SMYD2: variants seen among roughly 807,000 people sequenced by gnomAD.
SMYD2 encodes SET and MYND domain containing 2.
In SMYD2, 53 loss-of-function variants were observed where a neutral mutation model predicts 59.1. The ratio of observed to expected loss-of-function variants is 0.90; its 90% CI spans 0.72 to 1.13. SMYD2 has a LOEUF of 1.13. Among genes scored for constraint, SMYD2 ranks in the 50% most tolerant of loss-of-function variants. SMYD2 has a pLI of 0.00. For missense variants in SMYD2, 494 were observed against 544.7 expected (o/e 0.91, Z 0.93); for synonymous variants, 208 against 198.8 (o/e 1.05, Z -0.39).
intron 7 of SMYD2, among the ~76,000 whole-genome samples, chr1:214,328,209 C>T (rs2102477139): frequency 6.6e-6 from 1 of 152,266 alleles, no homozygotes; most frequent in South Asian, 2.1e-4. Context: ...GCAGCAGTAG[C>T]TAAAGAGCTG....
At chr1:214,323,737 G>A (rs4655334) in intron 5 of SMYD2, among the ~76,000 whole-genome samples, 55,184 of 151,834 alleles carry the variant, frequency 0.36, 10,773 homozygotes, top group Non-Finnish European at 0.44. Flanking sequence ...CAGCGGGCCC[G>A]TACAACGTTT....
At chr1:214,323,895 A>G (rs1657212820) in intron 5 of SMYD2, among the ~76,000 whole-genome samples, 1 of 152,076 alleles carries the variant, frequency 6.6e-6, no homozygotes, top group Non-Finnish European at 1.5e-5. Flanking sequence ...AGGGCTTCAT[A>G]TTTACCACCT....
At chr1:214,309,701 G>A (rs1168604920) in intron 2 of SMYD2, among the ~76,000 whole-genome samples, 1 of 152,150 alleles carries the variant, frequency 6.6e-6, no homozygotes, top group Non-Finnish European at 1.5e-5. Context: ...GTTCAATCCT[G>A]GTTCAGTTCA....
At position 214,332,018 on chromosome 1, in the gene SMYD2, C is replaced by T; in HGVS notation, c.938C>T (p.Ser313Phe). 1 of 1,612,110 alleles carries T rather than the reference C, an allele frequency of 6.2e-7. No homozygotes were observed. Among genetic ancestry groups the T allele is most frequent in the Non-Finnish European group, 8.5e-7 (1 of 1,179,564 alleles). ...EEFRRAKHYK[S>F]PSELLEICEL... ...GGCCCTTTCCTTGACTCCACAGCACCCCCTAGTGAGCTGCTGGAGATCTGC... is the reference window on the plus strand; with the variant it reads ...GGCCCTTTCCTTGACTCCACAGCACTCCCTAGTGAGCTGCTGGAGATCTGC... The change falls in exon 10 of 12, where the codon TCC (serine) becomes TTC (phenylalanine). Residue 313 changes from serine (S) to phenylalanine (F), a missense_variant and splice_region_variant. Coordinates refer to ENST00000366957, the MANE Select transcript of SMYD2 (RefSeq NM_020197.3).
intron 1 of SMYD2, among the ~76,000 whole-genome samples, chr1:214,303,825 C>A (rs1571924179): frequency 6.6e-6 from 1 of 152,352 alleles, no homozygotes; most frequent in Middle Eastern, 3.4e-3. Context: ...TGCTGGGCTG[C>A]AGAGGAGGGG....
intron 5 of SMYD2, among the ~76,000 whole-genome samples, chr1:214,319,443 C>T (rs35144729): frequency 0.11 from 16,019 of 152,164 alleles, 1,085 homozygotes; most frequent in Middle Eastern, 0.2. Context: ...CAGTCACTGC[C>T]GAGAGGAGCC....
At chr1:214,315,070 T>A (rs965096790) in intron 3 of SMYD2, among the ~76,000 whole-genome samples, 198 bp downstream of exon 3, 1 of 152,168 alleles carries the variant, frequency 6.6e-6, no homozygotes, top group African/African-American at 2.4e-5. Flanking sequence ...GCAATTAGGA[T>A]GTTGCTTACC....
At chr1:214,290,582 G>T (rs915202472) in intron 1 of SMYD2, among the ~76,000 whole-genome samples, 3 of 152,176 alleles carry the variant, frequency 2.0e-5, no homozygotes, top group Admixed American at 2.0e-4. Flanking sequence ...GATGCTCAGG[G>T]TGTGTTGGTG....
intron 1 of SMYD2, among the ~76,000 whole-genome samples, chr1:214,284,700 G>C (rs1330445226): frequency 1.3e-5 from 2 of 151,920 alleles, no homozygotes. Flanking sequence ...ATTTTTAGTA[G>C]AGACAGGGTT....
chr1:214,291,846 A>G (rs1656640814), intron 1 of SMYD2, among the ~76,000 whole-genome samples: 1 of 152,118 alleles, frequency 6.6e-6, no homozygotes, highest in Non-Finnish European at 1.5e-5. Context: ...CTCTGGGTAG[A>G]TATATTTTAG....
intron 1 of SMYD2, among the ~76,000 whole-genome samples, chr1:214,304,349 A>G (rs191439706): frequency 1.1e-3 from 173 of 152,230 alleles, no homozygotes; most frequent in Middle Eastern, 3.4e-3. Flanking sequence ...GCTTGAGCCC[A>G]GGAGTTGGGG....
At chr1:214,308,623 T>G (rs1265146187) in intron 2 of SMYD2, among the ~76,000 whole-genome samples, 2 of 152,212 alleles carry the variant, frequency 1.3e-5, no homozygotes, top group African/African-American at 2.4e-5. Context: ...GGCCTTCAGC[T>G]GCTAGTAATT....
intron 1 of SMYD2, among the ~76,000 whole-genome samples, chr1:214,286,007 G>A (rs1443514916): frequency 6.6e-6 from 1 of 152,206 alleles, no homozygotes; most frequent in Admixed American, 6.5e-5. Context: ...TGTTCACGTG[G>A]TCTGTCATTG....
rs942059417 is a variant in SMYD2, at chr1:214,305,321, C to T, written c.237+71C>T. On this transcript the variant is annotated intron_variant, in intron 2 of 11. Coordinates refer to ENST00000366957, the MANE Select transcript of SMYD2 (RefSeq NM_020197.3). ...TCCTCCTCTTCCTTGTCATGGCATTCCTCAGCGCCCTCCTGGAGCCAGAGC... is the reference window on the plus strand; with the variant it reads ...TCCTCCTCTTCCTTGTCATGGCATTTCTCAGCGCCCTCCTGGAGCCAGAGC... The T allele has an allele frequency of 1.6e-5, 22 of 1,373,390 alleles. No homozygotes were observed. The African/African-American group carries it at 2.9e-4, about 18-fold the overall frequency. The allele number at this position is 1,373,390 out of a possible 1,614,324, so 85.1% of individuals were successfully genotyped here.
At chr1:214,311,508 C>G (rs938052235) in intron 2 of SMYD2, among the ~76,000 whole-genome samples, 1 of 152,162 alleles carries the variant, frequency 6.6e-6, no homozygotes, top group Non-Finnish European at 1.5e-5. Flanking sequence ...CGTTGTCACA[C>G]AGCTGCTTCG....
At chr1:214,301,537 A>G (rs1453869560) in intron 1 of SMYD2, among the ~76,000 whole-genome samples, 1 of 148,400 alleles carries the variant, frequency 6.7e-6, no homozygotes, top group African/African-American at 2.5e-5. Context: ...AATTCTTAAT[A>G]TTACCACTAG....
At chr1:214,330,363 C>A in intron 8 of SMYD2, 85 bp downstream of exon 8, 1 of 897,366 alleles carries the variant, frequency 1.1e-6, no homozygotes, top group Non-Finnish European at 1.7e-6. Context: ...CTTGGCGGAT[C>A]TCCTCTAGGA....
chr1:214,291,286 ATTTGTTC>A (rs1397364064), intron 1 of SMYD2, among the ~76,000 whole-genome samples: 2 of 152,292 alleles, frequency 1.3e-5, no homozygotes, highest in East Asian at 1.9e-4. Flanking sequence ...AGGCAGGAAG[ATTTGTTC>A]TTTTTCTTTC....
intron 2 of SMYD2, among the ~76,000 whole-genome samples, chr1:214,311,408 C>T (rs1169431223): frequency 6.6e-6 from 1 of 152,208 alleles, no homozygotes; most frequent in African/African-American, 2.4e-5. Flanking sequence ...GGTGTAAACT[C>T]ACAGACTCAG....
Sources: allele counts gnomAD v4.1 joint callset (sites outside exome capture counted in the v4.1 genomes callset), GRCh38; gene constraint gnomAD v4.1.1; transcripts MANE v1.5; gene names NCBI Gene and HGNC (gene_info 2026-07-23, HGNC 2026-07-21).